ADAMTS4: variants seen among roughly 807,000 people sequenced by gnomAD.
ADAMTS4 encodes ADAM metallopeptidase with thrombospondin type 1 motif 4, also known as A disintegrin and metalloproteinase with thrombospondin motifs 4.
In ADAMTS4, 38 loss-of-function variants were observed where a neutral mutation model predicts 66.7. The observed-to-expected ratio is 0.57, with a 90% CI of 0.44 to 0.75. The LOEUF (loss-of-function observed/expected upper bound fraction) is 0.75. ADAMTS4 is among the 30% of genes least tolerant of loss of function. The pLI, the probability that ADAMTS4 is intolerant of heterozygous loss-of-function variation, is 0.00. For synonymous variants in ADAMTS4, 418 were observed against 461.5 expected, an observed-to-expected ratio of 0.91 and a Z score of 1.21; for missense variants, 1,014 against 1,116.7, an observed-to-expected ratio of 0.91 and a Z score of 1.31.
chr1:161,193,178 C>T lies in ADAMTS4; in HGVS notation c.1911+35G>A, dbSNP rs1280268770. On this transcript the variant is annotated intron_variant, in intron 7 of 8. Coordinates refer to ENST00000367996, the MANE Select transcript of ADAMTS4 (RefSeq NM_005099.6). This position sits in a 1 kb window ranked among gnomAD's most constrained non-coding sequence, Gnocchi z 4.4. Reference sequence around the variant, plus strand: ...GAGGGAGCACTGCGGGTGTGTGTGACCATAGACAGGGCCTGGGGGTGTCCT... The same window carrying T: ...GAGGGAGCACTGCGGGTGTGTGTGATCATAGACAGGGCCTGGGGGTGTCCT... The T allele has an allele frequency of 1.9e-6, 3 of 1,591,926 alleles. No homozygotes were observed. The South Asian group carries it at 3.4e-5, about 18-fold the overall frequency.
chr1:161,193,586 T>C lies in ADAMTS4; in HGVS notation c.1735+54A>G. 1 of 1,563,110 alleles carries C rather than the reference T, an allele frequency of 6.4e-7. No homozygotes were observed. Among genetic ancestry groups the C allele is most frequent in the Non-Finnish European group, 8.7e-7 (1 of 1,153,296 alleles). ...CCTTGGTCTTGCACTCAAGGGACAG[T>C]CCTTCCTGCTCTACTGTCCCCTCCC... On this transcript the variant is annotated intron_variant, in intron 6 of 8. Transcript: ENST00000367996. The surrounding 1 kb of genome is among the most constrained non-coding windows in gnomAD (Gnocchi z 4.4).
Position 161,190,887 on chromosome 1 carries a change from G to T in ADAMTS4, c.*251C>A. The T allele has an allele frequency of 4.7e-6, 2 of 421,684 alleles. No homozygotes were observed. Among genetic ancestry groups the T allele is most frequent in the East Asian group, 7.1e-5 (2 of 28,368 alleles). 26.1% of individuals were successfully genotyped at this position (421,684 alleles called of 1,614,324 possible). ...GCCTTCCCCCTCCCTCCTGTGACCC[G>T]CAGGGCAGAGGGGGCAGTTTAGATG... On this transcript the variant is annotated 3_prime_UTR_variant, in exon 9 of 9. Coordinates refer to ENST00000367996, the MANE Select transcript of ADAMTS4 (RefSeq NM_005099.6).
At chr1:161,195,819 C>T (rs1347998927) in intron 3 of ADAMTS4, 184 bp from the exon 4 acceptor site, 4 of 615,642 alleles carry the variant, frequency 6.5e-6, no homozygotes, top group Non-Finnish European at 1.1e-5. Context: ...TTCTCTGTCT[C>T]CTCTTCCCCA....
chr1:161,191,928 G>T, intron 8 of ADAMTS4, 137 bp downstream of exon 8: 7 of 1,088,808 alleles, frequency 6.4e-6, no homozygotes, highest in East Asian at 2.4e-5. Context: ...ATGGGAAACC[G>T]CACTGTAGCT....
chr1:161,195,635 C>A lies in ADAMTS4; in HGVS notation c.1091G>T (p.Gly364Val). ...GTCATGGAGCATGTTGAAGACATGA[C>A]CTGTGGGAGCAAAGGCCCTGATAGG... is the stretch of plus-strand genomic sequence containing the variant. ...QSAFTAAHELGHVFNMLHDNS... is the reference protein window; with the variant it reads ...QSAFTAAHELVHVFNMLHDNS... Residue 364 changes from glycine to valine, a missense_variant and splice_region_variant, in exon 4 of 9, where the codon GGT (glycine) becomes GTT (valine). Coordinates refer to ENST00000367996, the MANE Select transcript of ADAMTS4 (RefSeq NM_005099.6). 6.2e-7 allele frequency: 1 copy of A among 1,609,430 alleles called. No homozygotes were observed. The highest frequency in any genetic ancestry group is 8.5e-7 in the Non-Finnish European group (1 of 1,177,686).
rs140088846 is a variant in ADAMTS4 at position 161,195,528 on chromosome 1, G to C, written c.1198C>G (p.Pro400Ala). ...VMAPVMAHVD[P>A]EEPWSPCSAR... is the part of the protein sequence containing the mutation. ...CTGCAGGGGGACCAGGGCTCCTCAG[G>C]ATCCACATGAGCCATCACAGGGGCC... Residue 400 changes from proline to alanine, a missense_variant, in exon 4 of 9, where the codon CCT (proline) becomes GCT (alanine). Transcript: ENST00000367996. 142 of 1,613,946 alleles carry C rather than the reference G, an allele frequency of 8.8e-5. No individual in the cohort carries two copies. In the African/African-American group the frequency reaches 1.5e-3, roughly 17 times the overall value.
rs968430144 is a variant in ADAMTS4 at position 161,198,000 on chromosome 1, C to A, written c.628G>T (p.Ala210Ser). The change falls in exon 1 of 9, where the codon GCC becomes TCC. Residue 210 changes from alanine to serine, a missense_variant. By Grantham distance (99) the Ala-to-Ser change is moderately conservative. Transcript: ENST00000367996. ...CAGACTCCAGAGATGCCTACCTTGG[C>A]TCTTCGGGGTCTGGGGCTGGGGCTT... ...LGSPSPRPRR[A>S]KRFASLSRFV... 1 of 1,557,240 alleles carries A rather than the reference C, an allele frequency of 6.4e-7. No individual in the cohort carries two copies. The highest frequency in any genetic ancestry group is 8.7e-7 in the Non-Finnish European group (1 of 1,149,690).
At chr1:161,196,118 C>A (rs998413369) in intron 3 of ADAMTS4, 53 bp downstream of exon 3, 7 of 1,519,464 alleles carry the variant, frequency 4.6e-6, no homozygotes, top group Admixed American at 2.1e-5. Context: ...AACTTGCTAC[C>A]CCCTCCCCCA....
rs746411811 is a variant in ADAMTS4, at chr1:161,193,301, G to A, written c.1823C>T (p.Pro608Leu). The A allele has an allele frequency of 1.2e-6, 2 of 1,614,062 alleles. No individual in the cohort carries two copies. The highest frequency in any genetic ancestry group is 2.2e-5 in the East Asian group (1 of 44,866). Residue 608 changes from proline to leucine, a missense_variant, in exon 7 of 9, where the codon CCT becomes CTT. Pro to Leu is a moderately conservative substitution (Grantham distance 98, BLOSUM62 -3). Coordinates refer to ENST00000367996, the MANE Select transcript of ADAMTS4 (RefSeq NM_005099.6). This position sits in a 1 kb window ranked among gnomAD's most constrained non-coding sequence, Gnocchi z 4.4. ...CTGGGGGGCCACGCCTGTGTAGCGA[G>A]GAACCCAGTCCATGGGCCCTGGGAA... ...KSFPGPMDWVPRYTGVAPQDQ... is the reference protein window; with the variant it reads ...KSFPGPMDWVLRYTGVAPQDQ...
At position 161,194,368 on chromosome 1, in the gene ADAMTS4, T is replaced by C; in HGVS notation, c.1262-147A>G. 1.5e-6 allele frequency: 1 copy of C among 686,098 alleles called. No homozygotes were observed. Among genetic ancestry groups the C allele is most frequent in the Non-Finnish European group, 2.2e-6 (1 of 444,692 alleles). 42.5% of individuals were successfully genotyped at this position (686,098 alleles called of 1,614,324 possible). A position where few individuals can be genotyped will look rare whatever the true frequency, so the allele number is the denominator to read the frequency against. On this transcript the variant is annotated intron_variant, in intron 4 of 8. Transcript: ENST00000367996. This position sits in a 1 kb window ranked among gnomAD's most constrained non-coding sequence, Gnocchi z 4.1. Reference sequence around the variant, plus strand: ...AGAGGATTTAAATTTTTGTTATTTATAATTTTTATTTTAATTACTTACTTT... The same window carrying C: ...AGAGGATTTAAATTTTTGTTATTTACAATTTTTATTTTAATTACTTACTTT...
In ADAMTS4 at chr1:161,191,014, G is replaced by T. The variant is rs1558072732; in HGVS notation, c.*124C>A. On this transcript the variant is annotated 3_prime_UTR_variant, in exon 9 of 9. Transcript: ENST00000367996. ...CTGCGCATTAGGGCAGAGAGGAGGGGCAGGTCTCACGCCCACAGCCCCTCC... is the reference window on the plus strand; with the variant it reads ...CTGCGCATTAGGGCAGAGAGGAGGGTCAGGTCTCACGCCCACAGCCCCTCC... 8.8e-7 allele frequency: 1 copy of T among 1,140,508 alleles called. No homozygotes were observed. The highest frequency in any genetic ancestry group is 1.2e-6 in the Non-Finnish European group (1 of 823,190). 70.6% of individuals were successfully genotyped at this position (1,140,508 alleles called of 1,614,324 possible). A position where few individuals can be genotyped will look rare whatever the true frequency, so the allele number is the denominator to read the frequency against.
rs771162481 is a variant in ADAMTS4, at chr1:161,194,217, G to A, written c.1266C>T (p.His422=). ...GAGCCTCTGGTTTGTCTAAGAGACA[G>A]TGCCCTGGGAAGGGGGTTGGGGCAC... ...ITDFLDNGYG[H]CLLDKPEAPL... is the part of the protein sequence containing the mutation. The change falls in exon 5 of 9, where the codon CAC becomes CAT. Residue 422 remains histidine, a synonymous_variant. Coordinates refer to ENST00000367996, the MANE Select transcript of ADAMTS4 (RefSeq NM_005099.6). This position sits in a 1 kb window ranked among gnomAD's most constrained non-coding sequence, Gnocchi z 4.1. 6.2e-7 allele frequency: 1 copy of A among 1,612,480 alleles called. No homozygotes were observed.
At chr1:161,195,345 T>C in intron 4 of ADAMTS4, 120 bp downstream of exon 4, 3 of 1,038,352 alleles carry the variant, frequency 2.9e-6, no homozygotes, top group East Asian at 2.6e-5. Context: ...CTTCCCACAC[T>C]GCAGAGGAAG....
At chr1:161,196,496 A>C in intron 2 of ADAMTS4, 61 bp downstream of exon 2, 1 of 1,563,760 alleles carries the variant, frequency 6.4e-7, no homozygotes, top group African/African-American at 1.4e-5. Context: ...ATCATAGTCT[A>C]TGTAGTGGCG....
At chr1:161,195,676 C>T (rs1269369366) in intron 3 of ADAMTS4, 41 bp from the exon 4 acceptor site, 5 of 1,563,826 alleles carry the variant, frequency 3.2e-6, no homozygotes, top group Non-Finnish European at 4.3e-6. Context: ...AGGGTCCCTT[C>T]CCCATGCCCT....
rs373001032 is a variant in ADAMTS4 at position 161,193,620 on chromosome 1, C to T, written c.1735+20G>A. 3.1e-6 allele frequency: 5 copies of T among 1,593,844 alleles called. No individual in the cohort carries two copies. Among genetic ancestry groups the T allele is most frequent in the Non-Finnish European group, 4.3e-6 (5 of 1,168,802 alleles). On this transcript the variant is annotated intron_variant, in intron 6 of 8. Transcript: ENST00000367996. This position sits in a 1 kb window ranked among gnomAD's most constrained non-coding sequence, Gnocchi z 4.4. Reference sequence around the variant, plus strand: ...CTCTACTGTCCCCTCCCAAGGGCTCCCATCCCCCCTACTCCTCACCTGAGC... The same window carrying T: ...CTCTACTGTCCCCTCCCAAGGGCTCTCATCCCCCCTACTCCTCACCTGAGC...
rs759236372 is a variant in ADAMTS4, at chr1:161,194,199, TG to T, written c.1283del (p.Pro428GlnfsTer9). Reference sequence around the variant, plus strand: ...TCACAGGCAGATGCAATGGAGCCTCTGGTTTGTCTAAGAGACAGTGCCCTGG... The same window carrying T: ...TCACAGGCAGATGCAATGGAGCCTCTGTTTGTCTAAGAGACAGTGCCCTGG... The part of the protein sequence containing the change: ...NGYGHCLLDK[P>X]EAPLHLPVTF... On this transcript the variant is annotated frameshift_variant, in exon 5 of 9. Coordinates refer to ENST00000367996, the MANE Select transcript of ADAMTS4 (RefSeq NM_005099.6). LOFTEE classifies it high-confidence loss of function. The surrounding 1 kb of genome is among the most constrained non-coding windows in gnomAD (Gnocchi z 4.1). The T allele has an allele frequency of 2.5e-6, 4 of 1,614,052 alleles. No individual in the cohort carries two copies. The highest frequency in any genetic ancestry group is 3.4e-6 in the Non-Finnish European group (4 of 1,179,980).
chr1:161,195,712 G>A (rs1392699059), intron 3 of ADAMTS4, 77 bp from the exon 4 acceptor site: 3 of 1,432,852 alleles, frequency 2.1e-6, no homozygotes, highest in East Asian at 4.8e-5. Flanking sequence ...AAATCTGGCT[G>A]CAGCTGTGGA....
Position 161,196,698 on chromosome 1 carries a change from C to T in ADAMTS4, c.816G>A (p.Leu272=), listed in dbSNP as rs765554706. 3 of 1,613,978 alleles carry T rather than the reference C, an allele frequency of 1.9e-6. No individual in the cohort carries two copies. In the Admixed American group the frequency reaches 5.0e-5, roughly 27 times the overall value. ...VSLVVTRLVI[L]GSGEEGPQVG... ...CTTGGGGCCCCTCCTCGCCTGACCC[C>T]AGGATCACTAGCCGAGTCACCACCA... Residue 272 remains leucine (L), a synonymous_variant, in exon 2 of 9, where the codon CTG becomes CTA. Transcript: ENST00000367996.
Sources: gnomAD v4.1 joint callset for allele counts on GRCh38, gnomAD v4.1.1 for gene constraint, Gnocchi (gnomAD v3.1) non-coding constraint, MANE v1.5 for transcripts, NCBI Gene and HGNC (gene_info 2026-07-23, HGNC 2026-07-21) for gene names.